The following C2CD5 variants were observed in gnomAD, a reference collection of about 807,000 sequenced individuals.
C2CD5 encodes C2 calcium dependent domain containing 5, also known as C2 domain-containing protein 5.
In C2CD5, 109 loss-of-function variants were observed where a neutral mutation model predicts 130.3. That is an observed-to-expected ratio of 0.84 (90% confidence interval 0.72 to 0.98). The LOEUF (loss-of-function observed/expected upper bound fraction) is 0.98. Among genes scored for constraint, C2CD5 ranks in the 50% least tolerant of loss-of-function variants. C2CD5 has a pLI of 0.00. For synonymous variants in C2CD5, 454 were observed against 429.2 expected, an observed-to-expected ratio of 1.06 and a Z score of -0.71; for missense variants, 996 against 1,261.8, an observed-to-expected ratio of 0.79 and a Z score of 3.19.
At chr12:22,486,736 T>C (rs1945576521) in intron 12 of C2CD5, among the ~76,000 whole-genome samples, 1 of 152,204 alleles carries the variant, frequency 6.6e-6, no homozygotes. Context: ...ATTTCTTAAA[T>C]GACATTTTAA....
chr12:22,459,625 T>C, intron 22 of C2CD5, 83 bp from the exon 23 acceptor site: 1 of 796,194 alleles, frequency 1.3e-6, no homozygotes, highest in South Asian at 1.6e-5. Flanking sequence ...AATACCTCTA[T>C]AAGCCAGAAG....
At chr12:22,472,657 T>C (rs943622977) in intron 17 of C2CD5, 87 bp downstream of exon 17, 1 of 839,848 alleles carries the variant, frequency 1.2e-6, no homozygotes, top group African/African-American at 1.7e-5. Flanking sequence ...GTCCTTCTTT[T>C]AAAGTAAAAT....
At chr12:22,475,686 T>C (rs1229267711) in intron 15 of C2CD5, among the ~76,000 whole-genome samples, 2 of 152,208 alleles carry the variant, frequency 1.3e-5, no homozygotes, top group Non-Finnish European at 2.9e-5. Context: ...TAAATGTTCA[T>C]TGGTAGTATG....
intron 15 of C2CD5, among the ~76,000 whole-genome samples, chr12:22,477,655 T>C (rs1347348684): frequency 6.6e-6 from 1 of 152,158 alleles, no homozygotes; most frequent in Non-Finnish European, 1.5e-5. Flanking sequence ...AATAGTTTCA[T>C]TCTAATTCCA....
intron 9 of C2CD5, among the ~76,000 whole-genome samples, chr12:22,509,723 A>G (rs780008170): frequency 3.3e-5 from 5 of 152,206 alleles, no homozygotes; most frequent in African/African-American, 9.6e-5. Context: ...CTTGTGCTGT[A>G]TAACCTTTCC....
At chr12:22,544,238 G>A (rs1952719358) in intron 1 of C2CD5, 59 bp from the exon 2 acceptor site, 1 of 1,357,704 alleles carries the variant, frequency 7.4e-7, no homozygotes, top group Admixed American at 1.9e-5. Context: ...GAGGGGCGGA[G>A]GCGCGCGGGG....
chr12:22,482,787 C>G, intron 13 of C2CD5, 44 bp from the exon 14 acceptor site: 1 of 1,441,106 alleles, frequency 6.9e-7, no homozygotes, highest in South Asian at 1.2e-5. Context: ...TTGGTACCAC[C>G]TTTAAAAATG....
intron 23 of C2CD5, 30 bp downstream of exon 23, chr12:22,459,462 G>A (rs1413191881): frequency 6.9e-7 from 1 of 1,444,028 alleles, no homozygotes; most frequent in Admixed American, 2.0e-5. Flanking sequence ...TACACCTTTG[G>A]TGACTATTTG....
chr12:22,510,510 TTAAA>T (rs1438481636), intron 9 of C2CD5, among the ~76,000 whole-genome samples: 2 of 152,206 alleles, frequency 1.3e-5, no homozygotes, highest in Non-Finnish European at 2.9e-5. Context: ...TAGGAGCTAT[TTAAA>T]TAGTTTATTC....
chr12:22,449,522 T>A lies in C2CD5; in HGVS notation c.*238A>T, dbSNP rs1938061695. The A allele has an allele frequency of 2.9e-6, 1 of 343,478 alleles. No individual in the cohort carries two copies. Among genetic ancestry groups the A allele is most frequent in the Admixed American group, 4.5e-5 (1 of 21,982 alleles). The allele number at this position is 343,478 out of a possible 1,614,324, so 21.3% of individuals were successfully genotyped here. The stretch of plus-strand genomic sequence containing the variant: ...GGTTCCATCTTTGCTACGGTTCTTT[T>A]AAAAATTTATCTTAACTTACTGAAG... On this transcript the variant is annotated 3_prime_UTR_variant, in exon 27 of 27. Coordinates refer to ENST00000446597, the MANE Select transcript of C2CD5 (RefSeq NM_001286176.2).
Position 22,484,880 on chromosome 12 carries a change from T to A in C2CD5, c.1367A>T (p.Glu456Val). 1 of 1,504,232 alleles carries A rather than the reference T, an allele frequency of 6.6e-7. No homozygotes were observed. Among genetic ancestry groups the A allele is most frequent in the Non-Finnish European group, 8.9e-7 (1 of 1,117,862 alleles). The allele number at this position is 1,504,232 out of a possible 1,614,324, so 93.2% of individuals were successfully genotyped here. ...VEGCLEQRLE[E>V]NLPTRCGFCH... ...AAATCCACAACGTGTAGGCAAATTT[T>A]CTTCAAGCCTATATAAATAAATAAA... The change falls in exon 13 of 27, where the codon GAA becomes GTA. Residue 456 changes from glutamate to valine, a missense_variant. Transcript: ENST00000446597.
chr12:22,532,740 C>A (rs1951421606), intron 3 of C2CD5, among the ~76,000 whole-genome samples: 1 of 152,172 alleles, frequency 6.6e-6, no homozygotes, highest in African/African-American at 2.4e-5. Flanking sequence ...ATCTTTCAAG[C>A]AAATCAATAC....
chr12:22,472,862 G>A (rs895150763), intron 16 of C2CD5, 55 bp from the exon 17 acceptor site: 26 of 980,694 alleles, frequency 2.7e-5, no homozygotes, highest in South Asian at 5.3e-5. Context: ...ATTATTTCAC[G>A]TTTTAAAAGA....
In C2CD5 at chr12:22,449,463, T is replaced by C. The variant is rs1185522863; in HGVS notation, c.*297A>G. ...CAATCTTCCCATTTCATTTTTTAAA[T>C]TATGATTTTATTAAAATCAACATAA... On this transcript the variant is annotated 3_prime_UTR_variant, in exon 27 of 27. Coordinates refer to ENST00000446597, the MANE Select transcript of C2CD5 (RefSeq NM_001286176.2). The C allele has an allele frequency of 4.8e-6, 1 of 210,024 alleles. No homozygotes were observed. Among genetic ancestry groups the C allele is most frequent in the East Asian group, 9.3e-5 (1 of 10,736 alleles). 13.0% of individuals were successfully genotyped at this position (210,024 alleles called of 1,614,324 possible). A position where few individuals can be genotyped will look rare whatever the true frequency, so the allele number is the denominator to read the frequency against.
At chr12:22,478,230 T>A in intron 15 of C2CD5, 83 bp downstream of exon 15, 2 of 1,121,992 alleles carry the variant, frequency 1.8e-6, no homozygotes, top group Non-Finnish European at 2.7e-6. Context: ...GAAAAAAAAA[T>A]CTTGTGTCCT....
chr12:22,478,962 G>C (rs1400496685), intron 14 of C2CD5, among the ~76,000 whole-genome samples: 1 of 152,148 alleles, frequency 6.6e-6, no homozygotes, highest in African/African-American at 2.4e-5. Context: ...AAAAACAACT[G>C]GTAATAAGCG....
chr12:22,534,931 T>C (rs1245036625), intron 3 of C2CD5: 1 of 187,678 alleles, frequency 5.3e-6, no homozygotes, highest in Non-Finnish European at 1.1e-5. Context: ...ATTCACAATA[T>C]ATAGTACTAC....
Position 22,474,768 on chromosome 12 carries a change from C to G in C2CD5, c.2026G>C (p.Asp676His). Reference protein sequence around the residue: ...TELDLSHGKKDAFVLEIDDTD... With the variant: ...TELDLSHGKKHAFVLEIDDTD... ...CACATTACCTCCAAAACAAAAGCAT[C>G]TTTTTTCCCATGTGAAAGGTCTAAT... Residue 676 changes from aspartate (D) to histidine (H), a missense_variant, in exon 16 of 27, where the codon GAT (aspartate) becomes CAT (histidine). Physicochemically the swap from Asp to His is moderately conservative, Grantham distance 81. Coordinates refer to ENST00000446597, the MANE Select transcript of C2CD5 (RefSeq NM_001286176.2). 6.2e-7 allele frequency: 1 copy of G among 1,601,648 alleles called. No individual in the cohort carries two copies. The highest frequency in any genetic ancestry group is 8.5e-7 in the Non-Finnish European group (1 of 1,174,410).
intron 7 of C2CD5, among the ~76,000 whole-genome samples, chr12:22,521,462 G>C (rs770713732): frequency 9.9e-5 from 15 of 152,126 alleles, no homozygotes; most frequent in Non-Finnish European, 1.8e-4. Flanking sequence ...GAACCAACAG[G>C]TAATATAGCT....
Sources: allele counts gnomAD v4.1 joint callset (sites outside exome capture counted in the v4.1 genomes callset), GRCh38; gene constraint gnomAD v4.1.1; transcripts MANE v1.5; gene names NCBI Gene and HGNC (gene_info 2026-07-23, HGNC 2026-07-21).